Variants in PCDHA9 observed in about 807,000 individuals in gnomAD.
PCDHA9 encodes the protein protocadherin alpha-9.
Under a neutral mutation model 62.0 loss-of-function variants are expected in PCDHA9, and 62 were observed. The ratio of observed to expected loss-of-function variants is 1.00; its 90% CI spans 0.81 to 1.23. The LOEUF (loss-of-function observed/expected upper bound fraction) is 1.23, where lower values mean the gene tolerates loss of function less well. PCDHA9 is among the 50% of genes most tolerant of loss of function. The pLI, the probability that PCDHA9 is intolerant of heterozygous loss-of-function variation, is 0.00. For synonymous variants in PCDHA9, 557 were observed against 567.6 expected (o/e 0.98, Z 0.27); for missense variants, 1,205 against 1,249.8 (o/e 0.96, Z 0.54).
chr5:140,865,624 T>C (rs1554159533), intron 1 of PCDHA9: 1 of 152,176 alleles, frequency 6.6e-6, no homozygotes, highest in East Asian at 1.9e-4. Context: ...TTGTTAGACA[T>C]CATGAAGGGA....
intron 1 of PCDHA9, chr5:140,851,186 T>C (rs2041985954): frequency 8.1e-7 from 1 of 1,234,476 alleles, no homozygotes; most frequent in Non-Finnish European, 1.0e-6. Context: ...TGAAAACCAA[T>C]TTAGTTGTTA....
chr5:140,920,133 C>A (rs1463322279), intron 1 of PCDHA9, among the ~76,000 whole-genome samples: 7 of 152,178 alleles, frequency 4.6e-5, no homozygotes, highest in African/African-American at 1.4e-4. Flanking sequence ...AGTTTTAATT[C>A]TCCTCTCCAA....
intron 1 of PCDHA9, chr5:140,966,378 G>A: frequency 2.5e-6 from 1 of 405,124 alleles, no homozygotes; most frequent in African/African-American, 2.1e-5. Flanking sequence ...AGCAGTCCGG[G>A]TTCGCTGTCC....
intron 1 of PCDHA9, chr5:140,883,583 G>T (rs782212784): frequency 2.5e-6 from 4 of 1,613,916 alleles, no homozygotes; most frequent in Non-Finnish European, 3.4e-6. Context: ...GTGGGCCACG[G>T]CCAGCGTGTC....
chr5:140,927,157 G>A (rs868936673), intron 1 of PCDHA9: 2 of 1,614,144 alleles, frequency 1.2e-6, no homozygotes, highest in South Asian at 2.2e-5. Flanking sequence ...GCTGTGCAGG[G>A]CCAAAGCTGC....
chr5:140,936,640 C>G (rs782162757), intron 1 of PCDHA9, among the ~76,000 whole-genome samples: 3 of 152,208 alleles, frequency 2.0e-5, no homozygotes, highest in African/African-American at 7.2e-5. Context: ...TCATAAGCAA[C>G]GTGACTTTAT....
chr5:140,848,596 C>T lies in PCDHA9; in HGVS notation c.101C>T (p.Ser34Phe), dbSNP rs2150413733. The T allele has an allele frequency of 1.3e-6, 2 of 1,594,204 alleles. No homozygotes were observed. The highest frequency in any genetic ancestry group is 2.2e-5 in the East Asian group (1 of 44,844). The change falls in exon 1 of 4, where the codon TCC (serine) becomes TTC (phenylalanine). Residue 34 changes from serine (S) to phenylalanine (F), a missense_variant. Transcript: ENST00000532602. ...GTGGGGAGCGGCCAGCTCCACTACT[C>T]CGTCCCGGAGGAAGCCGAACACGGC... ...WVVGSGQLHY[S>F]VPEEAEHGTF...
chr5:140,928,452 G>A (rs1284379241), intron 1 of PCDHA9: 1 of 1,614,008 alleles, frequency 6.2e-7, no homozygotes, highest in Non-Finnish European at 8.5e-7. Flanking sequence ...AGCTCAGGGG[G>A]TTTCATTTCC....
Position 140,999,523 on chromosome 5 carries a change from C to A in PCDHA9, c.2543-10104C>A, listed in dbSNP as rs115576128. On this transcript the variant is annotated intron_variant, in intron 3 of 3. Coordinates refer to ENST00000532602, the MANE Select transcript of PCDHA9 (RefSeq NM_031857.2). ...AACCTACATTTTAAGCATTTTGTTA[C>A]CCCCTGGATATGACAGCCAATGAAG... is the stretch of plus-strand genomic sequence containing the variant. Among the ~76,000 whole-genome samples, 464 of 152,142 alleles carry A rather than the reference C, an allele frequency of 3.0e-3. 6 individuals carry two copies. Among genetic ancestry groups the A allele is most frequent in the Middle Eastern group, 0.01 (3 of 294 alleles).
intron 1 of PCDHA9, among the ~76,000 whole-genome samples, chr5:140,965,125 C>A (rs571083058): frequency 6.6e-6 from 1 of 152,308 alleles, no homozygotes; most frequent in Non-Finnish European, 1.5e-5. Context: ...GGAAGATCTA[C>A]AGATGACAGA....
chr5:140,858,235 A>C, intron 1 of PCDHA9: 2 of 1,596,218 alleles, frequency 1.3e-6, no homozygotes, highest in Non-Finnish European at 1.7e-6. Flanking sequence ...CCGAGGGCGC[A>C]TGTGGGCCGG....
chr5:140,884,821 G>A, intron 1 of PCDHA9: 2 of 1,011,756 alleles, frequency 2.0e-6, no homozygotes, highest in South Asian at 2.2e-5. Flanking sequence ...TGGACATTAT[G>A]TGTTGGATTA....
At chr5:140,980,595 A>G (rs2096897056) in intron 2 of PCDHA9, among the ~76,000 whole-genome samples, 1 of 152,222 alleles carries the variant, frequency 6.6e-6, no homozygotes, top group South Asian at 2.1e-4. Context: ...GAGCCACTGC[A>G]CTCCAGCCTG....
In PCDHA9 at chr5:140,848,841, G is replaced by A. The variant is rs2150422504; in HGVS notation, c.346G>A (p.Val116Ile). The A allele has an allele frequency of 3.6e-5, 57 of 1,590,472 alleles. 1 individual carries two copies. In the African/African-American group the frequency reaches 7.3e-4, roughly 20 times the overall value. Residue 116 changes from valine (V) to isoleucine (I), a missense_variant, in exon 1 of 4, where the codon GTT becomes ATT. Val to Ile is a conservative substitution (Grantham distance 29). Transcript: ENST00000532602. ...GGTGATCGTAGACAGGCCGCTGCAG[G>A]TTTTCCATGTGGACGTGGAGGTGAA... Reference protein sequence around the residue: ...LEVIVDRPLQVFHVDVEVKDI... With the variant: ...LEVIVDRPLQIFHVDVEVKDI...
At chr5:140,868,882 T>G in intron 1 of PCDHA9, 1 of 715,192 alleles carries the variant, frequency 1.4e-6, no homozygotes, top group Non-Finnish European at 2.2e-6. Context: ...GTACTCACAG[T>G]TTTAGGCGCA....
intron 1 of PCDHA9, chr5:140,865,997 T>C (rs990195272): frequency 2.6e-5 from 4 of 152,210 alleles, no homozygotes; most frequent in Admixed American, 6.5e-5. Context: ...AGTTTTTTTA[T>C]GTTAAGTGAT....
intron 3 of PCDHA9, among the ~76,000 whole-genome samples, chr5:140,998,571 T>G (rs2097822082): frequency 1.0e-5 from 1 of 96,286 alleles, no homozygotes; most frequent in African/African-American, 3.7e-5. Flanking sequence ...GTAAATAAGT[T>G]TTTTTTTTTT....
At chr5:140,882,041 A>G (rs1374444489) in intron 1 of PCDHA9, 9 of 677,522 alleles carry the variant, frequency 1.3e-5, no homozygotes, top group African/African-American at 1.3e-4. Context: ...ATGAAGACTG[A>G]GTCATACTTA....
intron 3 of PCDHA9, among the ~76,000 whole-genome samples, chr5:140,996,992 T>A (rs565740982): frequency 3.9e-5 from 6 of 152,324 alleles, no homozygotes; most frequent in African/African-American, 1.4e-4. Flanking sequence ...CAACCACTGT[T>A]AACAATTTTG....
Sources: allele counts gnomAD v4.1 joint callset (sites outside exome capture counted in the v4.1 genomes callset), GRCh38; gene constraint gnomAD v4.1.1; transcripts MANE v1.5; gene names NCBI Gene and HGNC (gene_info 2026-07-23, HGNC 2026-07-21).